SLC44A2: variants seen among roughly 807,000 people sequenced by gnomAD.
SLC44A2 encodes the protein choline transporter-like protein 2.
In SLC44A2, 57 loss-of-function variants were observed where a neutral mutation model predicts 90.8. The ratio of observed to expected loss-of-function variants is 0.63; its 90% CI spans 0.51 to 0.78. The LOEUF (loss-of-function observed/expected upper bound fraction) is 0.78. Ranked by LOEUF, SLC44A2 falls within the 30% of genes least tolerant of loss-of-function variation. The probability of loss-of-function intolerance (pLI) is 0.00; values close to 1 mark genes in which losing one functional copy is unlikely to be tolerated. For missense variants in SLC44A2, 794 were observed against 919.7 expected, an observed-to-expected ratio of 0.86 and a Z score of 1.77; for synonymous variants, 355 against 360.7, an observed-to-expected ratio of 0.98 and a Z score of 0.18.
chr19:10,614,577 G>C (rs1303583529), intron 1 of SLC44A2, among the ~76,000 whole-genome samples: 2 of 152,144 alleles, frequency 1.3e-5, no homozygotes, highest in Non-Finnish European at 2.9e-5. Context: ...ATTAGTGATA[G>C]CCTACTGTTG....
At position 10,615,752 on chromosome 19, in the gene SLC44A2, G is replaced by A. The variant is rs569471833; in HGVS notation, c.32-10501G>A. 6.6e-5 allele frequency among the ~76,000 whole-genome samples: 10 copies of A among 152,276 alleles called. No individual in the cohort carries two copies. In the South Asian group the frequency reaches 1.9e-3, roughly 28 times the overall value. ...GTTAACTGTCCAAACATTGACTTGG[G>A]AGCTGGACAGCTTGGGTCTGCTGAT... is the stretch of plus-strand genomic sequence containing the variant. On this transcript the variant is annotated intron_variant, in intron 1 of 21. Transcript: ENST00000407327.
At chr19:10,609,959 C>T (rs1017415809) in intron 1 of SLC44A2, among the ~76,000 whole-genome samples, 1 of 151,964 alleles carries the variant, frequency 6.6e-6, no homozygotes, top group African/African-American at 2.4e-5. Flanking sequence ...GCATGCACAA[C>T]CATGCCCGGC....
At chr19:10,613,441 G>A (rs1460357374) in intron 1 of SLC44A2, among the ~76,000 whole-genome samples, 2 of 151,956 alleles carry the variant, frequency 1.3e-5, no homozygotes, top group Admixed American at 1.3e-4. Flanking sequence ...AGTAGACATG[G>A]GGTTTCACCA....
At chr19:10,630,392 C>T (rs1189391499) in intron 4 of SLC44A2, among the ~76,000 whole-genome samples, 4 of 152,092 alleles carry the variant, frequency 2.6e-5, no homozygotes, top group African/African-American at 9.7e-5. Context: ...CGCAGTGGCT[C>T]ACGCATATAA....
Position 10,635,650 on chromosome 19 carries a change from A to G in SLC44A2, c.1233+135A>G. On this transcript the variant is annotated intron_variant, in intron 14 of 21. Transcript: ENST00000335757. ...TGTCCTGTGCTAGGTGTGGGGGAGG[A>G]CGCACAGTGGGGAAGAGACTCTCTA... The G allele has an allele frequency of 1.0e-5, 8 of 764,210 alleles. No homozygotes were observed. In the South Asian group the frequency reaches 1.4e-4, roughly 13 times the overall value. 47.3% of individuals were successfully genotyped at this position (764,210 alleles called of 1,614,324 possible). A position where few individuals can be genotyped will look rare whatever the true frequency, so the allele number is the denominator to read the frequency against.
chr19:10,635,278 C>G, intron 13 of SLC44A2, 23 bp downstream of exon 13: 2 of 1,613,498 alleles, frequency 1.2e-6, no homozygotes, highest in Non-Finnish European at 1.7e-6. Context: ...AGACACTGAT[C>G]TCTGACCCCA....
At chr19:10,617,584 ACTCC>A (rs2144822088) in intron 1 of SLC44A2, among the ~76,000 whole-genome samples, 1 of 151,534 alleles carries the variant, frequency 6.6e-6, no homozygotes, top group South Asian at 2.1e-4. Flanking sequence ...GACAGCTGAG[ACTCC>A]CTCATGTGTT....
intron 1 of SLC44A2, among the ~76,000 whole-genome samples, chr19:10,603,162 C>T (rs117471232): frequency 0.063 from 9,546 of 152,202 alleles, 359 homozygotes; most frequent in Middle Eastern, 0.12. Flanking sequence ...GGGCTGGCGG[C>T]TCCCACCTCC....
intron 20 of SLC44A2, among the ~76,000 whole-genome samples, chr19:10,640,265 A>G (rs1443597657): frequency 6.6e-6 from 1 of 151,662 alleles, no homozygotes; most frequent in Non-Finnish European, 1.5e-5. Flanking sequence ...TAATTTTTGT[A>G]TTTTTAGTAG....
Position 10,636,128 on chromosome 19 carries a change from G to A in SLC44A2, c.1234-195G>A, listed in dbSNP as rs150243855. ...TCCATGCCCTCTTCTTGACCCCAGT[G>A]ATGGCCACGTCTTGTTTCTAGAATC... is the stretch of plus-strand genomic sequence containing the variant. On this transcript the variant is annotated intron_variant, in intron 14 of 21. Coordinates refer to ENST00000335757, the MANE Select transcript of SLC44A2 (RefSeq NM_020428.4). 281 of 656,612 alleles carry A rather than the reference G, an allele frequency of 4.3e-4. 1 individual carries two copies. The highest frequency in any genetic ancestry group is 4.3e-3 in the Middle Eastern group (10 of 2,350). 40.7% of individuals were successfully genotyped at this position (656,612 alleles called of 1,614,324 possible).
At chr19:10,617,606 C>T (rs148813968) in intron 1 of SLC44A2, among the ~76,000 whole-genome samples, 3 of 152,322 alleles carry the variant, frequency 2.0e-5, no homozygotes, top group African/African-American at 4.8e-5. Context: ...GTTCCCTCCC[C>T]GGTGCGGCCC....
intron 1 of SLC44A2, among the ~76,000 whole-genome samples, chr19:10,619,096 C>G (rs57932579): frequency 0.013 from 1,925 of 151,584 alleles, 46 homozygotes; most frequent in African/African-American, 0.043. Flanking sequence ...CTAGGCTTCC[C>G]CAGTAGCTGG....
chr19:10,639,441 G>C (rs865895675), intron 20 of SLC44A2, among the ~76,000 whole-genome samples: 3 of 13,650 alleles, frequency 2.2e-4, no homozygotes, highest in Admixed American at 2.0e-3. Flanking sequence ...GGCAGGTGTG[G>C]GGGGGGTCCA....
At chr19:10,626,798 AG>A (rs2066939017) in intron 2 of SLC44A2, among the ~76,000 whole-genome samples, 1 of 151,518 alleles carries the variant, frequency 6.6e-6, no homozygotes, top group African/African-American at 2.4e-5. Flanking sequence ...TCTGTCACCC[AG>A]GCTGGAGTGG....
intron 6 of SLC44A2, 25 bp downstream of exon 6, chr19:10,631,410 C>T (rs966515055): frequency 2.5e-6 from 4 of 1,613,710 alleles, no homozygotes; most frequent in Non-Finnish European, 3.4e-6. Context: ...GTCCTGAGAG[C>T]ACAGGTATGG....
intron 1 of SLC44A2, among the ~76,000 whole-genome samples, chr19:10,603,179 G>T (rs929362053): frequency 1.3e-5 from 2 of 152,102 alleles, no homozygotes; most frequent in African/African-American, 4.8e-5. Context: ...CTCCCATTTC[G>T]AGAGGTGCTG....
At chr19:10,607,826 A>G (rs1458763092) in intron 1 of SLC44A2, among the ~76,000 whole-genome samples, 1 of 149,804 alleles carries the variant, frequency 6.7e-6, no homozygotes, top group Non-Finnish European at 1.5e-5. Flanking sequence ...GCTCACTGCA[A>G]GCACCGCCTC....
chr19:10,633,820 A>T (rs2067022214), intron 10 of SLC44A2, among the ~76,000 whole-genome samples: 1 of 152,054 alleles, frequency 6.6e-6, no homozygotes, highest in Non-Finnish European at 1.5e-5. Context: ...ATTTGAGGAC[A>T]CTCATAGTAA....
chr19:10,618,332 A>G (rs1470436943), intron 1 of SLC44A2, among the ~76,000 whole-genome samples: 1 of 146,526 alleles, frequency 6.8e-6, no homozygotes, highest in Non-Finnish European at 1.5e-5. Flanking sequence ...ATGCTGCCAC[A>G]CCCGGCTACT....
Sources: gnomAD v4.1 joint callset for allele counts (sites outside exome capture counted in the v4.1 genomes callset) on GRCh38, gnomAD v4.1.1 for gene constraint, MANE v1.5 for transcripts, NCBI Gene and HGNC (gene_info 2026-07-23, HGNC 2026-07-21) for gene names.